Variants in GADL1 observed in about 807,000 individuals in gnomAD.
The protein encoded by GADL1 is acidic amino acid decarboxylase GADL1.
A neutral mutation model predicts 69.5 loss-of-function variants in GADL1; 71 were observed. That is an observed-to-expected ratio of 1.02 (90% CI 0.84 to 1.25). The LOEUF is 1.25. GADL1 is among the 50% of genes most tolerant of loss of function. The pLI, the probability that GADL1 is intolerant of heterozygous loss-of-function variation, is 0.00. For synonymous variants in GADL1, 254 were observed against 214.4 expected, an observed-to-expected ratio of 1.18 and a Z score of -1.62; for missense variants, 737 against 631.8, an observed-to-expected ratio of 1.17 and a Z score of -1.79.
chr3:30,765,065 A>G (rs1345508937), intron 14 of GADL1, among the ~76,000 whole-genome samples: 2 of 152,276 alleles, frequency 1.3e-5, no homozygotes, highest in East Asian at 1.9e-4. Context: ...TGATTTGACC[A>G]GCAGAACCAA....
chr3:30,843,273 T>TTC (rs397769275), intron 8 of GADL1, among the ~76,000 whole-genome samples: 1 of 151,286 alleles, frequency 6.6e-6, no homozygotes, highest in African/African-American at 2.4e-5. Flanking sequence ...TTTTTTTTTT[T>TTC]GAGATGGAGT....
At chr3:30,758,676 G>A (rs1381107361) in intron 14 of GADL1, among the ~76,000 whole-genome samples, 1 of 152,094 alleles carries the variant, frequency 6.6e-6, no homozygotes, top group African/African-American at 2.4e-5. Context: ...AACTATTCCT[G>A]GATTCTTATC....
At position 30,790,998 on chromosome 3, in the gene GADL1, CTT is replaced by C. The variant is rs35630766; in HGVS notation, c.1251-4594_1251-4593del. 3.4e-3 allele frequency among the ~76,000 whole-genome samples: 498 copies of C among 146,724 alleles called. 1 individual carries two copies. Among genetic ancestry groups the C allele is most frequent in the African/African-American group, 0.011 (445 of 40,218 alleles). The stretch of plus-strand genomic sequence containing the variant: ...GGGATGATTTGATTCAATTTTTACA[CTT>C]TTTTTTTTTAAATCTCTATCCACAT... On this transcript the variant is annotated intron_variant, in intron 12 of 14. Coordinates refer to ENST00000282538, the MANE Select transcript of GADL1 (RefSeq NM_207359.3).
At chr3:30,748,204 G>A (rs1318538663) in intron 14 of GADL1, among the ~76,000 whole-genome samples, 2 of 152,164 alleles carry the variant, frequency 1.3e-5, no homozygotes, top group East Asian at 3.9e-4. Flanking sequence ...ATCTAGTGAA[G>A]GATATGAGGA....
chr3:30,803,499 G>C (rs1697198845), intron 11 of GADL1, among the ~76,000 whole-genome samples: 1 of 152,088 alleles, frequency 6.6e-6, no homozygotes, highest in African/African-American at 2.4e-5. Flanking sequence ...TCTTGAGCAA[G>C]TTTTAGGGGC....
At chr3:30,881,125 T>A (rs896045362) in intron 1 of GADL1, among the ~76,000 whole-genome samples, 1 of 151,982 alleles carries the variant, frequency 6.6e-6, no homozygotes, top group Non-Finnish European at 1.5e-5. Context: ...CAATTCTGTT[T>A]ATATGTGTAT....
intron 11 of GADL1, among the ~76,000 whole-genome samples, chr3:30,813,973 G>T (rs564011540): frequency 1.3e-5 from 2 of 152,148 alleles, no homozygotes; most frequent in Non-Finnish European, 1.5e-5. Flanking sequence ...TATTTGTTCA[G>T]GCAGAAAGAG....
intron 8 of GADL1, among the ~76,000 whole-genome samples, chr3:30,840,932 C>T (rs1228842701): frequency 1.3e-5 from 2 of 152,174 alleles, no homozygotes; most frequent in Non-Finnish European, 2.9e-5. Context: ...CAATGTTCAT[C>T]CTAGTTTGAG....
chr3:30,748,835 C>T (rs1213547467), intron 14 of GADL1, among the ~76,000 whole-genome samples: 1 of 152,070 alleles, frequency 6.6e-6, no homozygotes, highest in East Asian at 1.9e-4. Flanking sequence ...AAACTGTGTC[C>T]TCAATTTATT....
intron 14 of GADL1, among the ~76,000 whole-genome samples, chr3:30,758,150 C>A (rs78478789): frequency 0.016 from 2,439 of 152,298 alleles, 68 homozygotes; most frequent in African/African-American, 0.056. Flanking sequence ...CTCTCTCCAA[C>A]CATCAAACAT....
chr3:30,740,984 TTA>T (rs1491530536), intron 14 of GADL1, among the ~76,000 whole-genome samples: 4 of 126,546 alleles, frequency 3.2e-5, no homozygotes, highest in Non-Finnish European at 4.7e-5. Context: ...TTAATATATA[TTA>T]TATATTATAT....
chr3:30,758,222 A>G (rs746225725), intron 14 of GADL1, among the ~76,000 whole-genome samples: 21 of 151,990 alleles, frequency 1.4e-4, no homozygotes, highest in Non-Finnish European at 2.8e-4. Flanking sequence ...GCCAAGTACT[A>G]TCCACATACA....
intron 14 of GADL1, among the ~76,000 whole-genome samples, chr3:30,760,334 T>C (rs899554346): frequency 6.6e-6 from 1 of 152,168 alleles, no homozygotes; most frequent in East Asian, 1.9e-4. Context: ...TGTTCCTCAA[T>C]TTTTGCTTCT....
intron 11 of GADL1, among the ~76,000 whole-genome samples, chr3:30,808,316 T>C (rs1195553353): frequency 1.3e-5 from 2 of 151,760 alleles, no homozygotes; most frequent in Admixed American, 6.6e-5. Flanking sequence ...ACCAACATGG[T>C]TGAAACCCCA....
intron 13 of GADL1, among the ~76,000 whole-genome samples, chr3:30,785,683 TC>T (rs1696773285): frequency 1.3e-5 from 2 of 152,220 alleles, no homozygotes; most frequent in African/African-American, 4.8e-5. Flanking sequence ...CAGCTACATT[TC>T]TTATGTATAG....
At chr3:30,806,157 G>C (rs2125509673) in intron 11 of GADL1, among the ~76,000 whole-genome samples, 1 of 152,180 alleles carries the variant, frequency 6.6e-6, no homozygotes, top group East Asian at 1.9e-4. Context: ...GCTACCAAAA[G>C]CTCTTCCCGT....
At chr3:30,830,979 A>T (rs1413773829) in intron 11 of GADL1, among the ~76,000 whole-genome samples, 3 of 138,188 alleles carry the variant, frequency 2.2e-5, no homozygotes, top group African/African-American at 8.9e-5. Context: ...ATAATTGATA[A>T]TTGAGCCCTG....
intron 11 of GADL1, among the ~76,000 whole-genome samples, chr3:30,822,200 C>G (rs974876499): frequency 6.6e-6 from 1 of 152,012 alleles, no homozygotes; most frequent in African/African-American, 2.4e-5. Flanking sequence ...ATACCAATAT[C>G]TCCTAATTGA....
intron 1 of GADL1, among the ~76,000 whole-genome samples, chr3:30,868,689 G>A (rs187478547): frequency 1.3e-5 from 2 of 151,978 alleles, no homozygotes; most frequent in African/African-American, 2.4e-5. Context: ...TGGCACTCAC[G>A]TTACACTGTT....
Sources: allele counts gnomAD v4.1 joint callset (sites outside exome capture counted in the v4.1 genomes callset), GRCh38; gene constraint gnomAD v4.1.1; transcripts MANE v1.5; gene names NCBI Gene and HGNC (gene_info 2026-07-23, HGNC 2026-07-21).